The following SH3RF3 variants were observed in gnomAD, a reference collection of about 807,000 sequenced individuals.
SH3RF3 encodes the protein E3 ubiquitin-protein ligase SH3RF3.
SH3RF3 carries 29 observed loss-of-function variants against 66.3 expected under a neutral mutation model. That is an observed-to-expected ratio of 0.44 (90% CI 0.33 to 0.60). The LOEUF is 0.60. Among genes scored for constraint, SH3RF3 ranks in the 20% least tolerant of loss-of-function variants. SH3RF3 has a pLI of 0.04. For missense variants in SH3RF3, 1,194 were observed against 1,190.9 expected (o/e 1.00, Z -0.04); for synonymous variants, 583 against 532.0 (o/e 1.10, Z -1.32).
At chr2:109,225,823 A>G (rs1455841832) in intron 1 of SH3RF3, among the ~76,000 whole-genome samples, 1 of 152,202 alleles carries the variant, frequency 6.6e-6, no homozygotes, top group East Asian at 1.9e-4. Context: ...TGCACTGCAG[A>G]AGTGCGATCC....
At chr2:109,248,133 T>G (rs1424463265) in intron 1 of SH3RF3, among the ~76,000 whole-genome samples, 3 of 152,258 alleles carry the variant, frequency 2.0e-5, no homozygotes, top group African/African-American at 7.2e-5. Flanking sequence ...CTGTTTTCTT[T>G]TGATTGTTGA....
intron 1 of SH3RF3, among the ~76,000 whole-genome samples, chr2:109,183,000 C>T (rs1315683793): frequency 2.6e-5 from 4 of 152,196 alleles, no homozygotes; most frequent in Admixed American, 6.5e-5. Context: ...GGTTTCAGAG[C>T]TCATCATCCT....
intron 1 of SH3RF3, among the ~76,000 whole-genome samples, chr2:109,155,513 G>A (rs888360932): frequency 6.6e-6 from 1 of 152,152 alleles, no homozygotes; most frequent in Admixed American, 6.5e-5. Flanking sequence ...GTGTTAGCCA[G>A]GGTGGTCTCG....
chr2:109,344,500 G>A (rs112999187), intron 1 of SH3RF3, among the ~76,000 whole-genome samples: 3,952 of 152,314 alleles, frequency 0.026, 158 homozygotes, highest in African/African-American at 0.088. Flanking sequence ...CTGCCGTGCC[G>A]AGGAGCTCGG....
intron 1 of SH3RF3, among the ~76,000 whole-genome samples, chr2:109,156,533 C>T (rs1677349700): frequency 6.6e-6 from 1 of 151,822 alleles, no homozygotes; most frequent in African/African-American, 2.4e-5. Flanking sequence ...GCAGCCTTTA[C>T]CTCCTGAGTT....
At chr2:109,440,078 T>C (rs1250324079) in intron 7 of SH3RF3, among the ~76,000 whole-genome samples, 1 of 152,250 alleles carries the variant, frequency 6.6e-6, no homozygotes, top group Non-Finnish European at 1.5e-5. Context: ...GGAACCAGCA[T>C]GAGCAATGGC....
intron 8 of SH3RF3, among the ~76,000 whole-genome samples, chr2:109,489,966 G>C (rs1299418403): frequency 2.0e-5 from 3 of 152,188 alleles, no homozygotes; most frequent in Non-Finnish European, 2.9e-5. Flanking sequence ...TCGAACTCCT[G>C]ACCTCAAGTG....
At chr2:109,387,577 C>T (rs139790994) in intron 3 of SH3RF3, among the ~76,000 whole-genome samples, 71 of 152,352 alleles carry the variant, frequency 4.7e-4, no homozygotes, top group Middle Eastern at 3.4e-3. Context: ...CCCACATCTC[C>T]TCAAGGTCTT....
intron 2 of SH3RF3, among the ~76,000 whole-genome samples, chr2:109,359,741 G>A (rs1683017666): frequency 6.6e-6 from 1 of 152,108 alleles, no homozygotes; most frequent in Admixed American, 6.5e-5. Flanking sequence ...TAGTCAAAAT[G>A]AAGGCACACA....
At chr2:109,381,063 C>T (rs925050270) in intron 3 of SH3RF3, among the ~76,000 whole-genome samples, 1 of 152,242 alleles carries the variant, frequency 6.6e-6, no homozygotes, top group Admixed American at 6.5e-5. Context: ...AGGGCTTCCT[C>T]CACGGGTCTA....
rs185160125 is a variant in SH3RF3, at chr2:109,253,920, C to A, written c.574-93754C>A. On this transcript the variant is annotated intron_variant, in intron 1 of 9. Coordinates refer to ENST00000309415, the MANE Select transcript of SH3RF3 (RefSeq NM_001099289.3). The stretch of plus-strand genomic sequence containing the variant: ...TTCTTCTTTCTAAAAGCATGGAAGT[C>A]TTTAATTCCCCTTCCACAGCTCTTA... Among the ~76,000 whole-genome samples, 168 of 152,160 alleles carry A rather than the reference C, an allele frequency of 1.1e-3. 1 individual carries two copies. The highest frequency in any genetic ancestry group is 3.8e-3 in the African/African-American group (157 of 41,550).
intron 8 of SH3RF3, among the ~76,000 whole-genome samples, chr2:109,488,428 C>T (rs901870659): frequency 1.3e-5 from 2 of 152,144 alleles, no homozygotes; most frequent in Admixed American, 6.6e-5. Flanking sequence ...GTTCCCACCC[C>T]AGGTACTGCA....
intron 5 of SH3RF3, among the ~76,000 whole-genome samples, chr2:109,426,328 T>C (rs1466512521): frequency 6.6e-6 from 1 of 152,240 alleles, no homozygotes. Context: ...TATGAACATT[T>C]GTGATTCATG....
chr2:109,441,356 T>C (rs114604190), intron 7 of SH3RF3, among the ~76,000 whole-genome samples: 170 of 152,256 alleles, frequency 1.1e-3, no homozygotes, highest in African/African-American at 3.9e-3. Context: ...AGAGACATAA[T>C]AGACCCAAAT....
intron 1 of SH3RF3, among the ~76,000 whole-genome samples, chr2:109,170,252 C>A (rs1677734535): frequency 7.2e-5 from 1 of 13,926 alleles, no homozygotes; most frequent in South Asian, 3.1e-3. Flanking sequence ...CTTTTCTCTT[C>A]TCTTCTCTTC....
chr2:109,365,944 A>G (rs1574600067), intron 2 of SH3RF3, among the ~76,000 whole-genome samples: 2 of 152,364 alleles, frequency 1.3e-5, no homozygotes, highest in Middle Eastern at 3.4e-3. Flanking sequence ...GGAAATATAC[A>G]TGTCATTTAG....
chr2:109,419,715 G>A (rs140650282), intron 5 of SH3RF3, 73 bp downstream of exon 5: 20 of 1,426,110 alleles, frequency 1.4e-5, no homozygotes, highest in African/African-American at 5.7e-5. Context: ...ACCTGTCCAC[G>A]TGTGGTTTCC....
Position 109,494,159 on chromosome 2 carries a change from C to T in SH3RF3, c.2480+3223C>T, listed in dbSNP as rs140166404. On this transcript the variant is annotated intron_variant, in intron 9 of 9. Coordinates refer to ENST00000309415, the MANE Select transcript of SH3RF3 (RefSeq NM_001099289.3). ...TCTTCAAAGACATGACTTCCAGACACCTCAATAAAAAGTATTGAAAGACCC... is the reference window on the plus strand; with the variant it reads ...TCTTCAAAGACATGACTTCCAGACATCTCAATAAAAAGTATTGAAAGACCC... Among the ~76,000 whole-genome samples, 591 of 152,292 alleles carry T rather than the reference C, an allele frequency of 3.9e-3. 8 individuals are homozygous for T. The highest frequency in any genetic ancestry group is 0.014 in the African/African-American group (563 of 41,566).
chr2:109,216,706 G>A (rs899523420), intron 1 of SH3RF3, among the ~76,000 whole-genome samples: 1 of 152,172 alleles, frequency 6.6e-6, no homozygotes, highest in African/African-American at 2.4e-5. Context: ...GAAACTGTGG[G>A]GTCACATGCT....
Sources: allele counts gnomAD v4.1 joint callset (sites outside exome capture counted in the v4.1 genomes callset), GRCh38; gene constraint gnomAD v4.1.1; transcripts MANE v1.5; gene names NCBI Gene and HGNC (gene_info 2026-07-23, HGNC 2026-07-21).